Variants in NBAS observed in about 807,000 individuals in gnomAD.
NBAS encodes NBAS subunit of NRZ tethering complex.
A neutral mutation model predicts 302.5 loss-of-function variants in NBAS; 219 were observed. The observed-to-expected ratio is 0.72, with a 90% confidence interval of 0.65 to 0.81. The LOEUF (loss-of-function observed/expected upper bound fraction) is 0.81, where lower values mean the gene tolerates loss of function less well. Ranked by LOEUF, NBAS falls within the 30% of genes least tolerant of loss-of-function variation. The probability of loss-of-function intolerance (pLI) is 0.00; values close to 1 mark genes in which losing one functional copy is unlikely to be tolerated. For synonymous variants in NBAS, 1,118 were observed against 1,021.6 expected (o/e 1.09, Z -1.80); for missense variants, 2,932 against 2,841.6 (o/e 1.03, Z -0.72).
the NBAS span, among the ~76,000 whole-genome samples, chr2:14,853,453 G>A: frequency 7.4e-3 from 566 of 76,648 alleles, 3 homozygotes; most frequent in Middle Eastern, 0.025. Context: ...GAGAAATAGG[G>A]ACACTTTTAC....
the NBAS span, among the ~76,000 whole-genome samples, chr2:15,116,045 C>T: frequency 6.6e-6 from 1 of 152,132 alleles, no homozygotes; most frequent in African/African-American, 2.4e-5. Flanking sequence ...GTGGCTGCAA[C>T]CAGAGGCTGG....
At chr2:15,165,473 A>T (rs1663993889), downstream of NBAS, among the ~76,000 whole-genome samples, 1 of 152,232 alleles carries the variant, frequency 6.6e-6, no homozygotes, top group African/African-American at 2.4e-5. Flanking sequence ...CAGGGGAGTG[A>T]GCAATTACAT....
the NBAS span, among the ~76,000 whole-genome samples, chr2:14,970,698 C>A: frequency 2.0e-5 from 3 of 152,160 alleles, no homozygotes; most frequent in African/African-American, 4.8e-5. Context: ...AAGGAAGGTA[C>A]CCTGGGACCA....
At chr2:15,140,006 G>T in the NBAS span, among the ~76,000 whole-genome samples, 1 of 152,112 alleles carries the variant, frequency 6.6e-6, no homozygotes, top group Non-Finnish European at 1.5e-5. Flanking sequence ...TGACGTGGTG[G>T]ATGTAATGCA....
chr2:14,873,556 TAG>T, the NBAS span, among the ~76,000 whole-genome samples: 6 of 152,020 alleles, frequency 3.9e-5, no homozygotes, highest in African/African-American at 1.4e-4. Flanking sequence ...TATACCAGGA[TAG>T]ACTATGTGAT....
At chr2:14,903,469 G>A in the NBAS span, among the ~76,000 whole-genome samples, 1 of 152,130 alleles carries the variant, frequency 6.6e-6, no homozygotes, top group Non-Finnish European at 1.5e-5. Context: ...TGACAAAGTG[G>A]ACCTGGCCCA....
the NBAS span, among the ~76,000 whole-genome samples, chr2:15,093,857 A>G: frequency 6.6e-6 from 1 of 152,224 alleles, no homozygotes; most frequent in Non-Finnish European, 1.5e-5. Context: ...ATAGAAAAAA[A>G]TGTTATTCCA....
the NBAS span, among the ~76,000 whole-genome samples, chr2:14,940,476 C>T: frequency 6.6e-6 from 1 of 152,106 alleles, no homozygotes; most frequent in Non-Finnish European, 1.5e-5. Context: ...TGAGCCAATT[C>T]AACTTCTTTT....
chr2:15,539,578 G>A (rs1040025370), intron 6 of NBAS, among the ~76,000 whole-genome samples: 2 of 152,102 alleles, frequency 1.3e-5, no homozygotes, highest in African/African-American at 4.8e-5. Context: ...ATTTATTTTA[G>A]AAGCAAAGTC....
the NBAS span, among the ~76,000 whole-genome samples, chr2:14,948,873 C>T: frequency 6.6e-6 from 1 of 152,026 alleles, no homozygotes; most frequent in Admixed American, 6.6e-5. Flanking sequence ...AACCAAATTA[C>T]CATAGCACTG....
At chr2:15,132,413 A>AG in the NBAS span, among the ~76,000 whole-genome samples, 1 of 152,170 alleles carries the variant, frequency 6.6e-6, no homozygotes, top group Non-Finnish European at 1.5e-5. Context: ...CCAGGGGTTA[A>AG]GGGGGAGGAA....
At chr2:15,506,109 A>ACGGGCG in intron 10 of NBAS, among the ~76,000 whole-genome samples, 1 of 152,180 alleles carries the variant, frequency 6.6e-6, no homozygotes, top group Non-Finnish European at 1.5e-5. Context: ...AGAGGTAAAA[A>ACGGGCG]GAGTAAAGAA....
At chr2:15,474,981 C>T (rs576095264) in intron 14 of NBAS, among the ~76,000 whole-genome samples, 44 of 152,264 alleles carry the variant, frequency 2.9e-4, no homozygotes, top group Non-Finnish European at 5.7e-4. Context: ...AAGGTACTTA[C>T]ATTTGTTTTA....
the NBAS span, among the ~76,000 whole-genome samples, chr2:14,975,323 T>C: frequency 1.8e-3 from 267 of 152,328 alleles, no homozygotes; most frequent in African/African-American, 6.2e-3. Flanking sequence ...CAAAAGCCTA[T>C]ATGCCTCCAT....
At chr2:15,279,329 T>C (rs1346114034) in intron 42 of NBAS, among the ~76,000 whole-genome samples, 1 of 152,158 alleles carries the variant, frequency 6.6e-6, no homozygotes, top group Non-Finnish European at 1.5e-5. Flanking sequence ...CAGATCTGTC[T>C]GGACTCAAAG....
rs537778854 is a variant in NBAS at position 15,315,084 on chromosome 2, G to T, written c.4583-5837C>A. ...GGTCTGCATCTTGACAGGAGTGAGG[G>T]TTACACAGGTGCTGCACTTGTCACA... On this transcript the variant is annotated intron_variant, in intron 38 of 51. Transcript: ENST00000281513. 2.0e-5 allele frequency among the ~76,000 whole-genome samples: 3 copies of T among 152,228 alleles called. No homozygotes were observed. In the East Asian group the frequency reaches 5.8e-4, roughly 29 times the overall value.
the NBAS span, among the ~76,000 whole-genome samples, chr2:14,817,896 C>T: frequency 3.9e-4 from 60 of 152,270 alleles, no homozygotes; most frequent in Non-Finnish European, 7.9e-4. Context: ...AATTACTGAA[C>T]CTCTCCGGAG....
the NBAS span, among the ~76,000 whole-genome samples, chr2:14,997,387 C>A: frequency 6.6e-6 from 1 of 151,120 alleles, no homozygotes; most frequent in East Asian, 1.9e-4. Context: ...TGAACTTGGT[C>A]TTCTGCAATG....
At chr2:14,944,113 C>T in the NBAS span, among the ~76,000 whole-genome samples, 5 of 152,300 alleles carry the variant, frequency 3.3e-5, no homozygotes, top group South Asian at 2.1e-4. Flanking sequence ...TCCTGGCTAA[C>T]GCAGTGAAAC....
Sources: gnomAD v4.1 joint callset for allele counts (sites outside exome capture counted in the v4.1 genomes callset) on GRCh38, gnomAD v4.1.1 for gene constraint, MANE v1.5 for transcripts, NCBI Gene and HGNC (gene_info 2026-07-23, HGNC 2026-07-21) for gene names.